Variants in GPSM2 observed in about 807,000 individuals in gnomAD.
GPSM2 encodes the protein G protein-signaling modulator 2.
In GPSM2, 58 loss-of-function variants were observed where a neutral mutation model predicts 78.4. The observed-to-expected ratio is 0.74, with a 90% CI of 0.60 to 0.92. The LOEUF (loss-of-function observed/expected upper bound fraction) is 0.92, where lower values mean the gene tolerates loss of function less well. Ranked by LOEUF, GPSM2 falls within the 40% of genes least tolerant of loss-of-function variation. The pLI is 0.00. For missense variants in GPSM2, 700 were observed against 815.5 expected (o/e 0.86, Z 1.73); for synonymous variants, 224 against 280.2 (o/e 0.80, Z 2.00).
chr1:108,888,318 C>G (rs901984895), intron 2 of GPSM2, among the ~76,000 whole-genome samples: 1 of 152,204 alleles, frequency 6.6e-6, no homozygotes, highest in Non-Finnish European at 1.5e-5. Context: ...TCCCAAAGTG[C>G]TGGGATTACA....
At chr1:108,908,423 C>A (rs1483232687) in intron 10 of GPSM2, among the ~76,000 whole-genome samples, 1 of 151,712 alleles carries the variant, frequency 6.6e-6, no homozygotes, top group African/African-American at 2.4e-5. Flanking sequence ...GTGGCTCACA[C>A]CTGTAATCCC....
chr1:108,895,254 G>A (rs190732746), intron 2 of GPSM2, among the ~76,000 whole-genome samples: 84 of 152,304 alleles, frequency 5.5e-4, no homozygotes, highest in Middle Eastern at 6.8e-3. Flanking sequence ...TATTGGAGTG[G>A]CTCAAAGCTC....
intron 1 of GPSM2, among the ~76,000 whole-genome samples, chr1:108,879,563 G>A (rs1220193379): frequency 6.6e-6 from 1 of 152,192 alleles, no homozygotes; most frequent in African/African-American, 2.4e-5. Context: ...GGCCGGGTAC[G>A]GTGGCTCACG....
intron 14 of GPSM2, among the ~76,000 whole-genome samples, chr1:108,925,554 G>A (rs1014771497): frequency 2.0e-5 from 3 of 152,072 alleles, no homozygotes; most frequent in African/African-American, 7.2e-5. Flanking sequence ...GGTGTGGTGT[G>A]GTGGAAATCA....
At position 108,882,889 on chromosome 1, in the gene GPSM2, AC is replaced by A. The variant is rs1647232564; in HGVS notation, c.-248-2384del. 3.9e-5 allele frequency among the ~76,000 whole-genome samples: 6 copies of A among 152,318 alleles called. No homozygotes were observed. The South Asian group carries it at 1.2e-3, about 32-fold the overall frequency. ...GCTATTTGATGTGTTGATAGCTGCT[AC>A]CTTTTTGTTCTTTCTTAAAATACTG... On this transcript the variant is annotated intron_variant, in intron 1 of 14. Transcript: ENST00000264126.
chr1:108,891,538 A>G (rs1406665393), intron 2 of GPSM2, among the ~76,000 whole-genome samples: 1 of 152,116 alleles, frequency 6.6e-6, no homozygotes, highest in Non-Finnish European at 1.5e-5. Context: ...TCTGTCACCC[A>G]TGCTGGATTG....
chr1:108,921,025 A>G (rs1305420147), intron 12 of GPSM2, among the ~76,000 whole-genome samples: 1 of 152,152 alleles, frequency 6.6e-6, no homozygotes, highest in African/African-American at 2.4e-5. Flanking sequence ...TCCTTATCCC[A>G]GTTAAAGGGA....
chr1:108,892,934 G>C (rs1648072317), intron 2 of GPSM2, among the ~76,000 whole-genome samples: 1 of 152,116 alleles, frequency 6.6e-6, no homozygotes, highest in Non-Finnish European at 1.5e-5. Context: ...TTAGTCACTG[G>C]AATAACTTTT....
chr1:108,888,358 T>C (rs1349255547), intron 2 of GPSM2, among the ~76,000 whole-genome samples: 4 of 151,580 alleles, frequency 2.6e-5, no homozygotes, highest in South Asian at 2.1e-4. Context: ...GGCCTTTTTT[T>C]CCCCGTTGAG....
At chr1:108,880,392 G>C (rs536754580) in intron 1 of GPSM2, among the ~76,000 whole-genome samples, 1 of 152,104 alleles carries the variant, frequency 6.6e-6, no homozygotes, top group East Asian at 1.9e-4. Context: ...ACCAGGAGTC[G>C]AGACCAGCCT....
chr1:108,881,431 T>C (rs1665896777), intron 1 of GPSM2, among the ~76,000 whole-genome samples: 1 of 152,224 alleles, frequency 6.6e-6, no homozygotes, highest in South Asian at 2.1e-4. Flanking sequence ...TAATTTAATA[T>C]TTGTTGCAAA....
Position 108,896,972 on chromosome 1 carries a change from T to G in GPSM2, c.165T>G (p.Thr55=). 1.9e-6 allele frequency: 3 copies of G among 1,614,050 alleles called. No homozygotes were observed. Among genetic ancestry groups the G allele is most frequent in the Non-Finnish European group, 2.5e-6 (3 of 1,179,886 alleles). Residue 55 remains threonine, a synonymous_variant, in exon 3 of 15, where the codon ACT becomes ACG. Coordinates refer to ENST00000264126, the MANE Select transcript of GPSM2 (RefSeq NM_013296.5). Reference sequence around the variant, plus strand: ...TTGAAGCTGCAGTTCAAGTTGGAACTGAAGACCTAAAAACACTTAGCGCTA... The same window carrying G: ...TTGAAGCTGCAGTTCAAGTTGGAACGGAAGACCTAAAAACACTTAGCGCTA... ...SFFEAAVQVG[T]EDLKTLSAIY... is the part of the protein sequence containing the mutation.
rs55909258 is a variant in GPSM2, at chr1:108,917,611, C to CATAT, written c.1264-950_1264-947dup. Among the ~76,000 whole-genome samples the CATAT allele has an allele frequency of 7.7e-3, 174 of 22,456 alleles. 6 individuals are homozygous for CATAT. The highest frequency in any genetic ancestry group is 8.6e-3 in the Non-Finnish European group (109 of 12,606). 14.7% of individuals were successfully genotyped at this position (22,456 alleles called of 152,430 possible). On this transcript the variant is annotated intron_variant, in intron 11 of 14. Transcript: ENST00000264126. ...ACAAATGTATACACACACACACACA[C>CATAT]ATATATATATATATATATATATATA...
intron 10 of GPSM2, among the ~76,000 whole-genome samples, chr1:108,910,967 A>C (rs1023461817): frequency 6.6e-6 from 1 of 152,188 alleles, no homozygotes; most frequent in Non-Finnish European, 1.5e-5. Context: ...AAATCTATTA[A>C]ATCTATTTCA....
intron 14 of GPSM2, among the ~76,000 whole-genome samples, chr1:108,927,665 G>A (rs186807831): frequency 5.3e-5 from 8 of 152,230 alleles, no homozygotes; most frequent in Admixed American, 1.3e-4. Context: ...CTAAGCATCA[G>A]AACTAAAACT....
At chr1:108,896,697 G>C (rs1648392208) in intron 2 of GPSM2, among the ~76,000 whole-genome samples, 167 bp from the exon 3 acceptor site, 1 of 152,196 alleles carries the variant, frequency 6.6e-6, no homozygotes, top group South Asian at 2.1e-4. Context: ...ATTACCTCTT[G>C]CTACAAATAA....
intron 2 of GPSM2, among the ~76,000 whole-genome samples, chr1:108,888,116 A>G (rs1309226475): frequency 2.0e-5 from 3 of 151,946 alleles, no homozygotes; most frequent in Non-Finnish European, 2.9e-5. Flanking sequence ...GTGGTGTGCA[A>G]TCTCAGCTCA....
intron 14 of GPSM2, 150 bp from the exon 15 acceptor site, chr1:108,929,551 A>T: frequency 1.4e-6 from 1 of 711,642 alleles, no homozygotes; most frequent in Non-Finnish European, 2.4e-6. Flanking sequence ...CTGGGAACTA[A>T]AGAGAACAAT....
rs1397710832 is a variant in GPSM2 at position 108,922,584 on chromosome 1, A to C, written c.1600+8A>C. 1 of 1,606,330 alleles carries C rather than the reference A, an allele frequency of 6.2e-7. No homozygotes were observed. The highest frequency in any genetic ancestry group is 8.5e-7 in the Non-Finnish European group (1 of 1,173,214). On this transcript the variant is annotated splice_region_variant and intron_variant, in intron 13 of 14. Transcript: ENST00000264126. ...CTAAAATGATGCTAAAAAGTAAGTC[A>C]TCTCTGTTTCTCCCCCGATTTTAAT...
Sources: gnomAD v4.1 joint callset for allele counts (sites outside exome capture counted in the v4.1 genomes callset) on GRCh38, gnomAD v4.1.1 for gene constraint, MANE v1.5 for transcripts, NCBI Gene and HGNC (gene_info 2026-07-23, HGNC 2026-07-21) for gene names.